The following HTR3A variants were observed in gnomAD, a reference collection of about 807,000 sequenced individuals.
HTR3A encodes 5-hydroxytryptamine (serotonin) receptor 3A, ionotropic.
Under a neutral mutation model 54.8 loss-of-function variants are expected in HTR3A, and 45 were observed. That is an observed-to-expected ratio of 0.82 (90% confidence interval 0.65 to 1.05). The LOEUF is 1.05. Among genes scored for constraint, HTR3A ranks in the 50% least tolerant of loss-of-function variants. HTR3A has a pLI of 0.00. For missense variants in HTR3A, 657 were observed against 614.0 expected (o/e 1.07, Z -0.74); for synonymous variants, 297 against 256.0 (o/e 1.16, Z -1.53).
At chr11:113,977,307 T>C (rs1176723) in intron 1 of HTR3A, among the ~76,000 whole-genome samples, 150,392 of 152,322 alleles carry the variant, frequency 0.99, 74,261 homozygotes, top group Middle Eastern at 1. Flanking sequence ...GGTTTGACCT[T>C]GGCTGAGGAA....
intron 3 of HTR3A, 166 bp from the exon 4 acceptor site, chr11:113,981,037 G>A (rs911070763): frequency 1.5e-6 from 1 of 645,222 alleles, no homozygotes; most frequent in Non-Finnish European, 2.8e-6. Context: ...AGAGGTGGGG[G>A]GACTCTCAGT....
At chr11:113,979,088 AC>A (rs1950389221) in intron 2 of HTR3A, 144 bp from the exon 3 acceptor site, 2 of 710,606 alleles carry the variant, frequency 2.8e-6, no homozygotes, top group Admixed American at 2.0e-5. Flanking sequence ...CAGTCTATCT[AC>A]TTTCCCGACC....
In HTR3A at chr11:113,977,870, G is replaced by A. The variant is rs866497878; in HGVS notation, c.167G>A (p.Arg56Lys). 1.2e-6 allele frequency: 2 copies of A among 1,614,132 alleles called. No individual in the cohort carries two copies. Among genetic ancestry groups the A allele is most frequent in the African/African-American group, 2.7e-5 (2 of 75,030 alleles). ...GGTGTGCGCCCCGTGAGGGACTGGAGGAAGCCAACCACCGTATCCATTGAC... is the reference window on the plus strand; with the variant it reads ...GGTGTGCGCCCCGTGAGGGACTGGAAGAAGCCAACCACCGTATCCATTGAC... Reference protein sequence around the residue: ...RKGVRPVRDWRKPTTVSIDVI... With the variant: ...RKGVRPVRDWKKPTTVSIDVI... The change falls in exon 2 of 9, where the codon AGG becomes AAG. Residue 56 changes from arginine (R) to lysine (K), a missense_variant. By Grantham distance (26) the Arg-to-Lys change is conservative. Transcript: ENST00000504030.
At chr11:113,978,392 C>T (rs2137570110) in intron 2 of HTR3A, among the ~76,000 whole-genome samples, 1 of 152,260 alleles carries the variant, frequency 6.6e-6, no homozygotes, top group Middle Eastern at 3.4e-3. Context: ...GGTGGTCAGA[C>T]ATTGTGCAGA....
intron 8 of HTR3A, among the ~76,000 whole-genome samples, chr11:113,987,862 G>A (rs1485240371): frequency 1.3e-5 from 2 of 152,254 alleles, no homozygotes; most frequent in African/African-American, 4.8e-5. Context: ...GCTACCATTT[G>A]TTGTAGTTGG....
intron 2 of HTR3A, among the ~76,000 whole-genome samples, chr11:113,979,031 G>A (rs1176720): frequency 2.0e-5 from 3 of 152,058 alleles, no homozygotes; most frequent in South Asian, 2.1e-4. Context: ...TTCTTTCTGC[G>A]TATGCTCTAG....
chr11:113,987,091 G>A, intron 8 of HTR3A, 45 bp downstream of exon 8: 2 of 1,594,088 alleles, frequency 1.3e-6, no homozygotes, highest in Non-Finnish European at 1.7e-6. Context: ...GCTGCTTCTG[G>A]CTTGGATGTT....
At chr11:113,988,862 A>G (rs1043948418) in intron 8 of HTR3A, among the ~76,000 whole-genome samples, 1 of 152,204 alleles carries the variant, frequency 6.6e-6, no homozygotes. Context: ...AAATGAAATA[A>G]TGTGTATCAG....
chr11:113,989,709 G>A lies in HTR3A; in HGVS notation c.1383G>A (p.Val461=), dbSNP rs1209482716. ...TATTCCACATTTACCTGCTAGCGGTGCTGGCCTACAGCATCACCCTGGTTA... is the reference window on the plus strand; with the variant it reads ...TATTCCACATTTACCTGCTAGCGGTACTGGCCTACAGCATCACCCTGGTTA... ...KLLFHIYLLA[V]LAYSITLVML... Residue 461 remains valine (V), a synonymous_variant, in exon 9 of 9, where the codon GTG becomes GTA. Coordinates refer to ENST00000504030, the MANE Select transcript of HTR3A (RefSeq NM_000869.6). The surrounding 1 kb of genome is among the most constrained non-coding windows in gnomAD (Gnocchi z 4.4). 3 of 1,613,758 alleles carry A rather than the reference G, an allele frequency of 1.9e-6. No individual in the cohort carries two copies. The highest frequency in any genetic ancestry group is 1.7e-5 in the Admixed American group (1 of 60,026).
chr11:113,978,670 A>T (rs935260140), intron 2 of HTR3A, among the ~76,000 whole-genome samples: 1 of 152,198 alleles, frequency 6.6e-6, no homozygotes, highest in Non-Finnish European at 1.5e-5. Context: ...TGCTCCCGGC[A>T]TTATATGTAT....
intron 5 of HTR3A, 80 bp downstream of exon 5, chr11:113,983,369 G>T: frequency 1.3e-6 from 2 of 1,510,136 alleles, no homozygotes; most frequent in Admixed American, 1.7e-5. Flanking sequence ...GCTCCCCAGG[G>T]CGCCTTCTCA....
In HTR3A at chr11:113,986,848, G is replaced by T; in HGVS notation, c.940G>T (p.Ala314Ser). The T allele has an allele frequency of 6.2e-7, 1 of 1,614,078 alleles. No homozygotes were observed. Among genetic ancestry groups the T allele is most frequent in the Non-Finnish European group, 8.5e-7 (1 of 1,180,032 alleles). Reference sequence around the variant, plus strand: ...AGGTGTCTACTTTGTGGTGTGCATGGCTCTGCTGGTGATAAGTTTGGCCGA... The same window carrying T: ...AGGTGTCTACTTTGTGGTGTGCATGTCTCTGCTGGTGATAAGTTTGGCCGA... ...LIGVYFVVCMALLVISLAETI... is the reference protein window; with the variant it reads ...LIGVYFVVCMSLLVISLAETI... Residue 314 changes from alanine (A) to serine (S), a missense_variant, in exon 8 of 9, where the codon GCT becomes TCT. By Grantham distance (99) the Ala-to-Ser change is moderately conservative. Coordinates refer to ENST00000504030, the MANE Select transcript of HTR3A (RefSeq NM_000869.6).
intron 1 of HTR3A, 105 bp downstream of exon 1, chr11:113,975,497 G>A: frequency 1.1e-6 from 1 of 926,972 alleles, no homozygotes. Context: ...GTGGGGAACA[G>A]TGCAGCTGCA....
At position 113,989,851 on chromosome 11, in the gene HTR3A, T is replaced by C. The variant is rs1440159552; in HGVS notation, c.*88T>C. ...CTTAGGCCCCTCAGGACCCAGGGAA[T>C]GCCAGGGACATTTTCAAGACACAGA... On this transcript the variant is annotated 3_prime_UTR_variant, in exon 9 of 9. Transcript: ENST00000504030. This position sits in a 1 kb window ranked among gnomAD's most constrained non-coding sequence, Gnocchi z 4.4. The C allele has an allele frequency of 7.2e-6, 10 of 1,396,332 alleles. No homozygotes were observed. Among genetic ancestry groups the C allele is most frequent in the African/African-American group, 1.4e-5 (1 of 70,988 alleles). 86.5% of individuals were successfully genotyped at this position (1,396,332 alleles called of 1,614,324 possible). A position where few individuals can be genotyped will look rare whatever the true frequency, so the allele number is the denominator to read the frequency against.
chr11:113,986,284 G>A, intron 6 of HTR3A, 109 bp downstream of exon 6: 1 of 1,383,482 alleles, frequency 7.2e-7, no homozygotes, highest in Non-Finnish European at 1.0e-6. Context: ...CCCCAGGGTT[G>A]CACACATCTG....
chr11:113,986,548 G>T lies in HTR3A; in HGVS notation c.736G>T (p.Val246Leu). 6.2e-7 allele frequency: 1 copy of T among 1,612,962 alleles called. No homozygotes were observed. The change falls in exon 7 of 9, where the codon GTG becomes TTG. Residue 246 changes from valine (V) to leucine (L), a missense_variant. Coordinates refer to ENST00000504030, the MANE Select transcript of HTR3A (RefSeq NM_000869.6). ...CATCCGCCGGCGGCCCCTCTTCTAT[G>T]TGGTCAGCCTGCTACTGCCCAGCAT... Reference protein sequence around the residue: ...VVIRRRPLFYVVSLLLPSIFL... With the variant: ...VVIRRRPLFYLVSLLLPSIFL...
intron 1 of HTR3A, among the ~76,000 whole-genome samples, chr11:113,975,736 C>A (rs1243654181): frequency 6.6e-6 from 1 of 152,144 alleles, no homozygotes; most frequent in East Asian, 1.9e-4. Context: ...CTGCAAGGGA[C>A]CTTAGAACTC....
chr11:113,977,167 G>A (rs1189947135), intron 1 of HTR3A, among the ~76,000 whole-genome samples: 7 of 152,170 alleles, frequency 4.6e-5, no homozygotes, highest in Admixed American at 4.6e-4. Context: ...CCTGGGGCAG[G>A]GTGCGAGGAT....
chr11:113,990,302 T>C lies in HTR3A; in HGVS notation c.*539T>C. Reference sequence around the variant, plus strand: ...TGGGAGTGGGAAGAATAAAATGCAGTGAAACCCTAAACTCTCTTCTTTTTT... The same window carrying C: ...TGGGAGTGGGAAGAATAAAATGCAGCGAAACCCTAAACTCTCTTCTTTTTT... On this transcript the variant is annotated 3_prime_UTR_variant, in exon 9 of 9. Transcript: ENST00000504030. 4.9e-6 allele frequency: 2 copies of C among 408,348 alleles called. No homozygotes were observed. Among genetic ancestry groups the C allele is most frequent in the South Asian group, 1.8e-5 (1 of 56,448 alleles). 25.3% of individuals were successfully genotyped at this position (408,348 alleles called of 1,614,324 possible). A position where few individuals can be genotyped will look rare whatever the true frequency, so the allele number is the denominator to read the frequency against.
Sources: allele counts gnomAD v4.1 joint callset (sites outside exome capture counted in the v4.1 genomes callset), GRCh38; gene constraint gnomAD v4.1.1; non-coding constraint Gnocchi (gnomAD v3.1); transcripts MANE v1.5; gene names NCBI Gene and HGNC (gene_info 2026-07-23, HGNC 2026-07-21).